SPIDR: variants seen among roughly 807,000 people sequenced by gnomAD.
SPIDR encodes DNA repair-scaffolding protein.
SPIDR carries 93 observed loss-of-function variants against 104.6 expected under a neutral mutation model. The ratio of observed to expected loss-of-function variants is 0.89; its 90% CI spans 0.75 to 1.06. The LOEUF (loss-of-function observed/expected upper bound fraction) is 1.06. Ranked by LOEUF, SPIDR falls within the 50% of genes least tolerant of loss-of-function variation. The probability of loss-of-function intolerance (pLI) is 0.00; values close to 1 mark genes in which losing one functional copy is unlikely to be tolerated. For synonymous variants in SPIDR, 431 were observed against 416.9 expected (o/e 1.03, Z -0.41); for missense variants, 1,154 against 1,111.2 (o/e 1.04, Z -0.55).
rs150294217 is a variant in SPIDR, at chr8:47,544,377, A to G, written c.1098-51434A>G. Among the ~76,000 whole-genome samples the G allele has an allele frequency of 2.8e-3, 424 of 152,320 alleles. 1 individual carries two copies. Among genetic ancestry groups the G allele is most frequent in the African/African-American group, 9.9e-3 (413 of 41,566 alleles). ...CAGAATAAGTTTTAATTTTAATGAA[A>G]TTCAAATTACCAATTTTTCCTTTTA... On this transcript the variant is annotated intron_variant, in intron 8 of 19. Transcript: ENST00000297423.
chr8:47,291,194 G>A (rs1337965749), intron 4 of SPIDR, 57 bp downstream of exon 4: 1 of 1,179,770 alleles, frequency 8.5e-7, no homozygotes, highest in Non-Finnish European at 1.2e-6. Flanking sequence ...ATTGTGTCCA[G>A]AAGATCAGAG....
At chr8:47,660,299 A>G (rs1236652554) in intron 10 of SPIDR, 1 of 286,724 alleles carries the variant, frequency 3.5e-6, no homozygotes, top group Non-Finnish European at 5.2e-6. Flanking sequence ...ATTCTTAAAG[A>G]CAAATATTCA....
chr8:47,347,178 T>G (rs1444723688), intron 5 of SPIDR, among the ~76,000 whole-genome samples: 2 of 152,320 alleles, frequency 1.3e-5, no homozygotes, highest in East Asian at 3.9e-4. Flanking sequence ...AAGAACACCT[T>G]TATTTTTGCC....
At chr8:47,627,219 C>G (rs546675142) in intron 10 of SPIDR, among the ~76,000 whole-genome samples, 137 of 152,192 alleles carry the variant, frequency 9.0e-4, no homozygotes, top group Non-Finnish European at 1.3e-3. Context: ...AGGGGAAGAT[C>G]ACACTCTGGG....
chr8:47,464,151 C>T lies in SPIDR; in HGVS notation c.1097+23609C>T, dbSNP rs914239025. Among the ~76,000 whole-genome samples the T allele has an allele frequency of 9.6e-5, 14 of 145,900 alleles. No individual in the cohort carries two copies. In the South Asian group the frequency reaches 3.0e-3, roughly 32 times the overall value. On this transcript the variant is annotated intron_variant, in intron 8 of 19. Coordinates refer to ENST00000297423, the MANE Select transcript of SPIDR (RefSeq NM_001080394.4). ...ACACACACACACACACACACACACACACACAGAGCACGTTAGTAAATTGAG... is the reference window on the plus strand; with the variant it reads ...ACACACACACACACACACACACACATACACAGAGCACGTTAGTAAATTGAG...
intron 8 of SPIDR, among the ~76,000 whole-genome samples, chr8:47,457,959 T>A (rs1220519459): frequency 4.6e-5 from 7 of 152,232 alleles, no homozygotes; most frequent in African/African-American, 1.4e-4. Flanking sequence ...TCTGTGCCTA[T>A]TTTTATACCA....
At chr8:47,561,306 C>T (rs887579645) in intron 8 of SPIDR, among the ~76,000 whole-genome samples, 9 of 152,128 alleles carry the variant, frequency 5.9e-5, no homozygotes, top group African/African-American at 1.2e-4. Context: ...GAGTTTCCAC[C>T]TGGAGTCTCC....
At chr8:47,271,837 G>A (rs1436673607) in intron 1 of SPIDR, among the ~76,000 whole-genome samples, 1 of 151,974 alleles carries the variant, frequency 6.6e-6, no homozygotes, top group African/African-American at 2.4e-5. Context: ...GCCCAGGCTG[G>A]AGTGCAATGA....
rs2060390060 is a variant in SPIDR at position 47,389,998 on chromosome 8, T to G, written c.526-6378T>G. Among the ~76,000 whole-genome samples, 3 of 152,174 alleles carry G rather than the reference T, an allele frequency of 2.0e-5. No individual in the cohort carries two copies. In the East Asian group the frequency reaches 5.8e-4, roughly 29 times the overall value. On this transcript the variant is annotated intron_variant, in intron 5 of 19. Transcript: ENST00000297423. ...GGATATGAACACACAGGAAGAAATG[T>G]GAAGAGCCAATTAACAAGTGCAAAG...
At chr8:47,721,173 T>G (rs937054381) in intron 16 of SPIDR, among the ~76,000 whole-genome samples, 1 of 152,258 alleles carries the variant, frequency 6.6e-6, no homozygotes, top group Non-Finnish European at 1.5e-5. Context: ...AAAAACTCAT[T>G]GTAAAACCCA....
intron 5 of SPIDR, among the ~76,000 whole-genome samples, chr8:47,333,035 T>C (rs980476901): frequency 2.0e-5 from 3 of 152,042 alleles, no homozygotes; most frequent in Admixed American, 2.0e-4. Context: ...TTGTCTTTTG[T>C]TGCCATTGCT....
At chr8:47,400,464 G>A (rs782771320) in intron 6 of SPIDR, among the ~76,000 whole-genome samples, 12 of 152,168 alleles carry the variant, frequency 7.9e-5, no homozygotes, top group Non-Finnish European at 1.3e-4. Context: ...TTACTGAGCT[G>A]ACTAGAAAGG....
chr8:47,588,026 C>CAT (rs71548440), intron 8 of SPIDR, among the ~76,000 whole-genome samples: 2 of 23,428 alleles, frequency 8.5e-5, no homozygotes, highest in Non-Finnish European at 3.1e-4. Flanking sequence ...TTAAAATTAG[C>CAT]ATATATATAT....
intron 10 of SPIDR, among the ~76,000 whole-genome samples, chr8:47,663,111 T>C (rs904713792): frequency 6.6e-6 from 1 of 152,242 alleles, no homozygotes; most frequent in African/African-American, 2.4e-5. Flanking sequence ...CTCTTTCCCG[T>C]CCTAGGGTTT....
intron 5 of SPIDR, among the ~76,000 whole-genome samples, chr8:47,372,988 G>A (rs1186144465): frequency 6.6e-6 from 1 of 152,160 alleles, no homozygotes; most frequent in Non-Finnish European, 1.5e-5. Flanking sequence ...CAATGAAAAG[G>A]AAGAGATGAT....
chr8:47,541,852 A>G (rs1254416272), intron 8 of SPIDR, among the ~76,000 whole-genome samples: 3 of 151,784 alleles, frequency 2.0e-5, no homozygotes, highest in African/African-American at 7.3e-5. Flanking sequence ...AATTGCTTGA[A>G]CCCGGGAGGC....
intron 5 of SPIDR, among the ~76,000 whole-genome samples, chr8:47,306,315 A>G (rs1323929761): frequency 6.6e-6 from 1 of 151,324 alleles, no homozygotes; most frequent in Admixed American, 6.6e-5. Flanking sequence ...TAATTTTTGT[A>G]TTTTTACTAG....
chr8:47,265,041 T>G (rs1310079161), intron 1 of SPIDR, among the ~76,000 whole-genome samples: 3 of 152,096 alleles, frequency 2.0e-5, no homozygotes, highest in Admixed American at 6.5e-5. Flanking sequence ...CATTTTCAAG[T>G]TTTTCAGTGA....
intron 5 of SPIDR, among the ~76,000 whole-genome samples, chr8:47,376,503 T>A (rs1438716632): frequency 6.6e-6 from 1 of 152,214 alleles, no homozygotes; most frequent in Non-Finnish European, 1.5e-5. Flanking sequence ...ATGGGTCGTG[T>A]TTTAAGTTGC....
Sources: gnomAD v4.1 joint callset for allele counts (sites outside exome capture counted in the v4.1 genomes callset) on GRCh38, gnomAD v4.1.1 for gene constraint, MANE v1.5 for transcripts, NCBI Gene and HGNC (gene_info 2026-07-23, HGNC 2026-07-21) for gene names.